AK9: variants seen among roughly 807,000 people sequenced by gnomAD.
The protein encoded by AK9 is adenylate kinase domain containing 1.
Under a neutral mutation model 239.6 loss-of-function variants are expected in AK9, and 191 were observed. That is an observed-to-expected ratio of 0.80 (90% CI 0.71 to 0.90). AK9 has a LOEUF of 0.90. Among genes scored for constraint, AK9 ranks in the 40% least tolerant of loss-of-function variants. The pLI is 0.00. For synonymous variants in AK9, 689 were observed against 721.0 expected (o/e 0.96, Z 0.71); for missense variants, 1,995 against 2,214.7 (o/e 0.90, Z 1.99).
At chr6:109,494,419 C>T (rs1776827723) in intron 39 of AK9, 6 of 194,132 alleles carry the variant, frequency 3.1e-5, no homozygotes, top group Admixed American at 2.8e-4. Context: ...AAGAAGGGGA[C>T]CCTAGGCTTT....
At chr6:109,686,412 T>G (rs2128364930) in intron 1 of AK9, among the ~76,000 whole-genome samples, 1 of 152,332 alleles carries the variant, frequency 6.6e-6, no homozygotes, top group South Asian at 2.1e-4. Context: ...GCACAGTATT[T>G]TGCAGGCCTC....
chr6:109,496,436 T>C (rs540501118), intron 38 of AK9, among the ~76,000 whole-genome samples: 1 of 152,344 alleles, frequency 6.6e-6, no homozygotes, highest in African/African-American at 2.4e-5. Context: ...TGGAGCTCTG[T>C]AGTCACGTCC....
chr6:109,600,020 C>T (rs926606650), intron 17 of AK9, among the ~76,000 whole-genome samples: 64 of 152,200 alleles, frequency 4.2e-4, no homozygotes, highest in Non-Finnish European at 8.8e-5. Context: ...ATGTCATCCA[C>T]AAACAGGGAC....
intron 27 of AK9, among the ~76,000 whole-genome samples, chr6:109,537,301 A>G (rs1460204735): frequency 6.6e-6 from 1 of 152,058 alleles, no homozygotes; most frequent in African/African-American, 2.4e-5. Context: ...TGGGTGATTC[A>G]GGGATTCAAC....
chr6:109,533,175 G>T, intron 28 of AK9, 76 bp downstream of exon 28: 1 of 1,102,130 alleles, frequency 9.1e-7, no homozygotes, highest in Non-Finnish European at 1.2e-6. Context: ...TATATTTTTT[G>T]TGAAGATCAC....
At chr6:109,573,699 G>T in intron 20 of AK9, 105 bp from the exon 21 acceptor site, 1 of 1,107,414 alleles carries the variant, frequency 9.0e-7, no homozygotes, top group Non-Finnish European at 1.3e-6. Context: ...AATGGTCCCT[G>T]CCCTCCTAGA....
At chr6:109,664,661 G>C (rs930245203) in intron 5 of AK9, among the ~76,000 whole-genome samples, 1 of 151,830 alleles carries the variant, frequency 6.6e-6, no homozygotes, top group African/African-American at 2.4e-5. Context: ...CCGATCTCGT[G>C]ATCCGCCTGC....
At chr6:109,558,652 A>T (rs191440754) in intron 24 of AK9, among the ~76,000 whole-genome samples, 54 of 152,264 alleles carry the variant, frequency 3.5e-4, no homozygotes, top group Middle Eastern at 3.4e-3. Context: ...TTGAAATCAA[A>T]TGTATTAATT....
intron 17 of AK9, among the ~76,000 whole-genome samples, chr6:109,608,466 GA>G (rs1278794432): frequency 2.7e-5 from 4 of 149,246 alleles, no homozygotes; most frequent in Non-Finnish European, 5.9e-5. Context: ...TATCTATCTT[GA>G]AAAAAAAATA....
intron 28 of AK9, among the ~76,000 whole-genome samples, chr6:109,529,542 G>A (rs1259410576): frequency 6.6e-6 from 1 of 152,124 alleles, no homozygotes; most frequent in African/African-American, 2.4e-5. Context: ...GATGACTCAA[G>A]CTCATGACAT....
chr6:109,643,228 A>G (rs1432143721), intron 9 of AK9, among the ~76,000 whole-genome samples: 2 of 152,234 alleles, frequency 1.3e-5, no homozygotes, highest in Non-Finnish European at 2.9e-5. Flanking sequence ...TCATGAGATC[A>G]CAGGTGATCT....
chr6:109,626,103 T>C (rs1167738608), intron 12 of AK9, among the ~76,000 whole-genome samples: 1 of 152,190 alleles, frequency 6.6e-6, no homozygotes, highest in Non-Finnish European at 1.5e-5. Context: ...CAAATTCCAA[T>C]CTGCAGTCAA....
chr6:109,628,906 T>C (rs1360939454), intron 12 of AK9, among the ~76,000 whole-genome samples: 1 of 96,178 alleles, frequency 1.0e-5, no homozygotes, highest in Non-Finnish European at 2.4e-5. Context: ...GGCTACTGCG[T>C]TTCATTTAAA....
intron 21 of AK9, among the ~76,000 whole-genome samples, chr6:109,571,351 A>AG (rs963922647): frequency 1.3e-5 from 2 of 152,242 alleles, no homozygotes; most frequent in Non-Finnish European, 2.9e-5. Flanking sequence ...TGCTATCTGA[A>AG]GGAAGTTTAT....
chr6:109,564,142 T>C lies in AK9; in HGVS notation c.2573A>G (p.Asn858Ser). ...TGGAGTTCTGTCAGCAATCTCCAAG[T>C]TTAAAATTTTAATGTAAGCCTCACT... ...TISEAYIKILNLEIADRTPQE... is the reference protein window; with the variant it reads ...TISEAYIKILSLEIADRTPQE... Residue 858 changes from asparagine to serine, a missense_variant, in exon 23 of 41, where the codon AAC becomes AGC. This residue lies in a region of AK9 where 1,290 missense variants were observed against 1,392.7 expected (regional missense o/e 0.93). Coordinates refer to ENST00000424296, the MANE Select transcript of AK9 (RefSeq NM_001145128.3). 2 of 1,551,448 alleles carry C rather than the reference T, an allele frequency of 1.3e-6. No individual in the cohort carries two copies. Among genetic ancestry groups the C allele is most frequent in the Non-Finnish European group, 1.7e-6 (2 of 1,146,864 alleles).
intron 35 of AK9, among the ~76,000 whole-genome samples, chr6:109,499,885 C>T (rs1777427166): frequency 6.6e-6 from 1 of 152,156 alleles, no homozygotes. Flanking sequence ...CAGGCATGAG[C>T]CTTCCGTGCC....
chr6:109,661,348 C>T (rs1800386762), intron 6 of AK9, among the ~76,000 whole-genome samples: 2 of 152,196 alleles, frequency 1.3e-5, no homozygotes, highest in African/African-American at 4.8e-5. Flanking sequence ...CTTGTCTTCT[C>T]ATGGACAATG....
intron 1 of AK9, among the ~76,000 whole-genome samples, chr6:109,680,171 T>C (rs1171087797): frequency 6.6e-6 from 1 of 152,134 alleles, no homozygotes; most frequent in Non-Finnish European, 1.5e-5. Context: ...TAAAGGAGCA[T>C]GTTCTAACCC....
rs547427090 is a variant in AK9 at position 109,573,276 on chromosome 6, C to T, written c.2344+166G>A. ...GGGCAGAGCAGCCTCTGCTTTCCTA[C>T]CACACTTCAAACTGTGGGATTTGGA... On this transcript the variant is annotated intron_variant, in intron 21 of 40. Coordinates refer to ENST00000424296, the MANE Select transcript of AK9 (RefSeq NM_001145128.3). 5.1e-3 allele frequency among the ~76,000 whole-genome samples: 174 copies of T among 33,880 alleles called. 2 individuals are homozygous for T. The highest frequency in any genetic ancestry group is 0.024 in the Admixed American group (48 of 2,014). 22.2% of individuals were successfully genotyped at this position (33,880 alleles called of 152,430 possible).
Sources: gnomAD v4.1 joint callset for allele counts (sites outside exome capture counted in the v4.1 genomes callset) on GRCh38, gnomAD v4.1.1 for gene constraint, gnomAD v4.1.1 regional missense constraint, MANE v1.5 for transcripts, NCBI Gene and HGNC (gene_info 2026-07-23, HGNC 2026-07-21) for gene names.